Variants in ZNF292 observed in about 807,000 individuals in gnomAD.
ZNF292 encodes 16 zinc-finger domain protein.
Under a neutral mutation model 217.9 loss-of-function variants are expected in ZNF292, and 26 were observed. The ratio of observed to expected loss-of-function variants is 0.12; its 90% CI spans 0.09 to 0.17. The LOEUF (loss-of-function observed/expected upper bound fraction) is 0.17, where lower values mean the gene tolerates loss of function less well. Among genes scored for constraint, ZNF292 ranks in the 10% least tolerant of loss-of-function variants. The pLI, the probability that ZNF292 is intolerant of heterozygous loss-of-function variation, is 1.00. For synonymous variants in ZNF292, 1,257 were observed against 1,124.1 expected (o/e 1.12, Z -2.37); for missense variants, 2,904 against 3,175.2 (o/e 0.91, Z 2.05).
intron 7 of ZNF292, among the ~76,000 whole-genome samples, chr6:87,248,028 CAA>C (rs1443346927): frequency 6.6e-6 from 1 of 152,110 alleles, no homozygotes. Flanking sequence ...AATCAGAACT[CAA>C]GTTTCATAAA....
intron 1 of ZNF292, among the ~76,000 whole-genome samples, chr6:87,169,520 G>T (rs916516095): frequency 3.3e-5 from 5 of 152,126 alleles, no homozygotes; most frequent in Admixed American, 2.0e-4. Flanking sequence ...TTTAAATTAA[G>T]TCTAGCACTA....
At chr6:87,171,394 G>GT (rs369745986) in intron 1 of ZNF292, among the ~76,000 whole-genome samples, 237 of 147,360 alleles carry the variant, frequency 1.6e-3, no homozygotes, top group African/African-American at 3.1e-3. Context: ...TTTTTTGTTG[G>GT]TTTTTTTTTT....
At chr6:87,177,823 C>G (rs1054003994) in intron 1 of ZNF292, among the ~76,000 whole-genome samples, 2 of 152,200 alleles carry the variant, frequency 1.3e-5, no homozygotes, top group Non-Finnish European at 2.9e-5. Context: ...ATCACATTAA[C>G]AAGCACCATG....
chr6:87,198,581 A>T (rs1361573225), intron 1 of ZNF292, among the ~76,000 whole-genome samples: 2 of 152,206 alleles, frequency 1.3e-5, no homozygotes, highest in Non-Finnish European at 1.5e-5. Context: ...TGGGAAATGG[A>T]TGAGACTTAA....
chr6:87,254,559 TAA>T, intron 7 of ZNF292, 89 bp from the exon 8 acceptor site: 1 of 1,299,048 alleles, frequency 7.7e-7, no homozygotes, highest in Non-Finnish European at 1.1e-6. Context: ...AAGATTTGAG[TAA>T]AACAAATCTC....
At chr6:87,167,932 G>A (rs1770970325) in intron 1 of ZNF292, among the ~76,000 whole-genome samples, 1 of 152,168 alleles carries the variant, frequency 6.6e-6, no homozygotes. Flanking sequence ...AGGACTCTTA[G>A]TGAAGCTTCT....
At chr6:87,202,806 A>G (rs1405693199) in intron 1 of ZNF292, among the ~76,000 whole-genome samples, 2 of 151,698 alleles carry the variant, frequency 1.3e-5, no homozygotes, top group East Asian at 1.9e-4. Context: ...AGTATTACAT[A>G]CAGTAAGGGG....
rs187548657 is a variant in ZNF292 at position 87,239,253 on chromosome 6, C to A, written c.742-4222C>A. Among the ~76,000 whole-genome samples, 550 of 149,476 alleles carry A rather than the reference C, an allele frequency of 3.7e-3. 2 individuals carry two copies. Among genetic ancestry groups the A allele is most frequent in the African/African-American group, 0.013 (529 of 40,600 alleles). ...GGGGCTCCTCAATTCCCAGAAGGGG[C>A]GGCCGGGCAAAGGCACCCCTCACCT... is the stretch of plus-strand genomic sequence containing the variant. On this transcript the variant is annotated intron_variant, in intron 5 of 7. Coordinates refer to ENST00000369577, the MANE Select transcript of ZNF292 (RefSeq NM_015021.3).
chr6:87,181,631 G>T (rs897753950), intron 1 of ZNF292, among the ~76,000 whole-genome samples: 8 of 152,058 alleles, frequency 5.3e-5, no homozygotes, highest in African/African-American at 1.9e-4. Context: ...CCTGTCTTCT[G>T]TTCATGTGTA....
chr6:87,190,613 A>G (rs1298351525), intron 1 of ZNF292, among the ~76,000 whole-genome samples: 1 of 152,138 alleles, frequency 6.6e-6, no homozygotes, highest in African/African-American at 2.4e-5. Flanking sequence ...AGCTGGGACT[A>G]CAGGTGCGTG....
At chr6:87,163,658 T>C (rs1248931016) in intron 1 of ZNF292, among the ~76,000 whole-genome samples, 1 of 152,104 alleles carries the variant, frequency 6.6e-6, no homozygotes, top group African/African-American at 2.4e-5. Context: ...AGGCATCTAG[T>C]GGGGTAGTAA....
intron 1 of ZNF292, among the ~76,000 whole-genome samples, chr6:87,181,231 T>C (rs1771464368): frequency 6.6e-6 from 1 of 151,934 alleles, no homozygotes; most frequent in African/African-American, 2.4e-5. Context: ...GCTCGAAGGA[T>C]GAGTGCAAGA....
At chr6:87,194,561 G>A (rs757472020) in intron 1 of ZNF292, among the ~76,000 whole-genome samples, 79 of 151,990 alleles carry the variant, frequency 5.2e-4, no homozygotes, top group Admixed American at 1.0e-3. Context: ...CTGCTCTGTA[G>A]CACCAAATTT....
intron 1 of ZNF292, among the ~76,000 whole-genome samples, chr6:87,199,776 C>A (rs1174902111): frequency 6.6e-6 from 1 of 152,166 alleles, no homozygotes; most frequent in Non-Finnish European, 1.5e-5. Flanking sequence ...ATCAAAAAGT[C>A]ACTTATACAA....
chr6:87,209,724 CTTAT>C, intron 1 of ZNF292, among the ~76,000 whole-genome samples: 1 of 152,168 alleles, frequency 6.6e-6, no homozygotes, highest in Non-Finnish European at 1.5e-5. Flanking sequence ...TTAAAAATAT[CTTAT>C]TTATGGTAAT....
chr6:87,215,096 T>C (rs1023348720), intron 1 of ZNF292: 1 of 152,114 alleles, frequency 6.6e-6, no homozygotes, highest in Non-Finnish European at 1.5e-5. Flanking sequence ...TATAAAAACA[T>C]TTAATTAGAA....
At chr6:87,243,164 T>C (rs1217124907) in intron 5 of ZNF292, among the ~76,000 whole-genome samples, 1 of 152,092 alleles carries the variant, frequency 6.6e-6, no homozygotes, top group East Asian at 1.9e-4. Flanking sequence ...AGATTGCTTA[T>C]AGTTATCATC....
At chr6:87,164,307 G>A (rs564952718) in intron 1 of ZNF292, among the ~76,000 whole-genome samples, 6 of 152,144 alleles carry the variant, frequency 3.9e-5, no homozygotes, top group Non-Finnish European at 7.3e-5. Flanking sequence ...AGGTAGTCTG[G>A]ATTTCTTTAC....
chr6:87,211,085 C>T (rs1772463172), intron 1 of ZNF292, among the ~76,000 whole-genome samples: 1 of 152,186 alleles, frequency 6.6e-6, no homozygotes, highest in South Asian at 2.1e-4. Flanking sequence ...GTAGTCCCTT[C>T]TGGTATGGTG....
Sources: gnomAD v4.1 joint callset for allele counts (sites outside exome capture counted in the v4.1 genomes callset) on GRCh38, gnomAD v4.1.1 for gene constraint, MANE v1.5 for transcripts, NCBI Gene and HGNC (gene_info 2026-07-23, HGNC 2026-07-21) for gene names.